Variants in NIBAN3 observed in about 807,000 individuals in gnomAD.
NIBAN3 encodes the protein protein Niban 3.
Under a neutral mutation model 76.4 loss-of-function variants are expected in NIBAN3, and 66 were observed. That is an observed-to-expected ratio of 0.86 (90% CI 0.71 to 1.06). The LOEUF (loss-of-function observed/expected upper bound fraction) is 1.06, where lower values mean the gene tolerates loss of function less well. Ranked by LOEUF, NIBAN3 falls within the 50% of genes least tolerant of loss-of-function variation. NIBAN3 has a pLI of 0.00. For missense variants in NIBAN3, 808 were observed against 810.7 expected (o/e 1.00, Z 0.04); for synonymous variants, 360 against 355.2 (o/e 1.01, Z -0.15).
In NIBAN3 at chr19:17,552,240, G is replaced by C. The variant is rs553829265; in HGVS notation, c.*342G>C. ...ATTTCAGGCACCCGCCACCATGCCT[G>C]GTTAATTTTTGTGTTTTTAGTAGAG... On this transcript the variant is annotated 3_prime_UTR_variant, in exon 15 of 15. Transcript: ENST00000599164. The C allele has an allele frequency of 2.0e-3, 318 of 157,784 alleles. 1 individual carries two copies. The highest frequency in any genetic ancestry group is 7.4e-3 in the African/African-American group (297 of 40,170). The allele number at this position is 157,784 out of a possible 1,614,324, so 9.8% of individuals were successfully genotyped here. A position where few individuals can be genotyped will look rare whatever the true frequency, so the allele number is the denominator to read the frequency against.
chr19:17,527,097 C>T (rs2075618012), upstream of NIBAN3: 2 of 920,760 alleles, frequency 2.2e-6, no homozygotes, highest in East Asian at 5.8e-5. Flanking sequence ...GATTTTCTTT[C>T]TCCCACACCC....
At chr19:17,539,496 G>C in intron 7 of NIBAN3, 45 bp downstream of exon 7, 1 of 1,456,550 alleles carries the variant, frequency 6.9e-7, no homozygotes, top group Non-Finnish European at 9.1e-7. Flanking sequence ...GGATGCGGGC[G>C]TTCGGGTTCC....
Position 17,553,168 on chromosome 19 carries a change from T to G in NIBAN3, c.*1270T>G. On this transcript the variant is annotated 3_prime_UTR_variant, in exon 15 of 15. Transcript: ENST00000599164. ...GTGAATTGCCTGTTCATAGCTTTTT[T>G]CTACTTTTCAGGAGTGTTTGCATTT... is the stretch of plus-strand genomic sequence containing the variant. The G allele has an allele frequency of 7.8e-7, 1 of 1,279,842 alleles. No homozygotes were observed. The highest frequency in any genetic ancestry group is 1.1e-6 in the Non-Finnish European group (1 of 943,764). 79.3% of individuals were successfully genotyped at this position (1,279,842 alleles called of 1,614,324 possible).
rs1365943905 is a variant in NIBAN3 at position 17,527,377 on chromosome 19, C to T, written c.37C>T (p.Gln13Ter). 1.3e-6 allele frequency: 2 copies of T among 1,543,302 alleles called. No homozygotes were observed. The highest frequency in any genetic ancestry group is 1.7e-6 in the Non-Finnish European group (2 of 1,143,506). ...GRPSSPLDKQ[Q>*]RQHLRGQVDT... ...GCCTTCGAGCCCTCTGGACAAGCAG[C>T]AGCGGCAGCACCTAAGGGGTGAGCA... The change falls in exon 1 of 15, where the codon CAG becomes TAG. Residue 13 changes from glutamine (Q) to a stop codon, truncating the protein, a stop_gained. Transcript: ENST00000599164. LOFTEE classifies it high-confidence loss of function.
rs144900974 is a variant in NIBAN3 at position 17,537,416 on chromosome 19, G to A, written c.468G>A (p.Val156=). Residue 156 remains valine, a synonymous_variant, in exon 5 of 15, where the codon GTG becomes GTA. Coordinates refer to ENST00000599164, the MANE Select transcript of NIBAN3 (RefSeq NM_001321827.2). ...TQEEPDSLLE[V]PVSFPLFLQH... ...AAGAGCCTGACTCCCTCTTGGAAGT[G>A]CCTGTGAGCTTCCCGCTGTTCCTGC... is the stretch of plus-strand genomic sequence containing the variant. The A allele has an allele frequency of 1.2e-4, 187 of 1,614,004 alleles. No individual in the cohort carries two copies. Among genetic ancestry groups the A allele is most frequent in the Non-Finnish European group, 1.5e-4 (172 of 1,180,026 alleles).
At chr19:17,550,843 CTTTTTTTT>C (rs10690901) in intron 14 of NIBAN3, among the ~76,000 whole-genome samples, 8 of 91,550 alleles carry the variant, frequency 8.7e-5, no homozygotes, top group Admixed American at 1.7e-4. Context: ...CTTGTACATA[CTTTTTTTT>C]TTTTTTTTTT....
chr19:17,551,711 T>G, intron 14 of NIBAN3, 75 bp from the exon 15 acceptor site: 1 of 656,360 alleles, frequency 1.5e-6, no homozygotes, highest in South Asian at 1.6e-5. Context: ...TTAACTCTGA[T>G]TTTTTAAGCA....
chr19:17,539,768 G>T lies in NIBAN3; in HGVS notation c.979+3G>T, dbSNP rs780015966. On this transcript the variant is annotated splice_donor_region_variant and intron_variant, in intron 8 of 14. Coordinates refer to ENST00000599164, the MANE Select transcript of NIBAN3 (RefSeq NM_001321827.2). The stretch of plus-strand genomic sequence containing the variant: ...GCGTGTGGCGGGGCGGCTGAGGAGT[G>T]AGGCCCTGGGGCGGAGCCTGGGCTG... 1 of 1,525,148 alleles carries T rather than the reference G, an allele frequency of 6.6e-7. No individual in the cohort carries two copies. Among genetic ancestry groups the T allele is most frequent in the East Asian group, 2.5e-5 (1 of 40,518 alleles). The allele number at this position is 1,525,148 out of a possible 1,614,324, so 94.5% of individuals were successfully genotyped here. A position where few individuals can be genotyped will look rare whatever the true frequency, so the allele number is the denominator to read the frequency against.
At chr19:17,528,017 G>A (rs963389229) in intron 1 of NIBAN3, among the ~76,000 whole-genome samples, 1 of 151,728 alleles carries the variant, frequency 6.6e-6, no homozygotes, top group Non-Finnish European at 1.5e-5. Context: ...TAGTATAAGT[G>A]TATCCCAGAT....
At chr19:17,551,667 A>C in intron 14 of NIBAN3, 119 bp from the exon 15 acceptor site, 1 of 550,468 alleles carries the variant, frequency 1.8e-6, no homozygotes, top group Non-Finnish European at 3.4e-6. Context: ...CTGGGATTAC[A>C]GGCATGAGCC....
chr19:17,555,262 T>C (rs73525765), downstream of NIBAN3, among the ~76,000 whole-genome samples: 1,938 of 152,254 alleles, frequency 0.013, 35 homozygotes, highest in African/African-American at 0.045. Flanking sequence ...AAAACCAGGA[T>C]GGCAAAACCC....
At chr19:17,527,095 TTCTC>T, upstream of NIBAN3, 1 of 902,660 alleles carries the variant, frequency 1.1e-6, no homozygotes, top group Non-Finnish European at 1.6e-6. Context: ...ATGATTTTCT[TTCTC>T]CCACACCCCA....
At chr19:17,553,675 C>A (rs151316029), downstream of NIBAN3, 130 of 897,772 alleles carry the variant, frequency 1.4e-4, no homozygotes, top group African/African-American at 1.5e-3. Context: ...TTACCCCGGA[C>A]GGGATGTAGA....
intron 4 of NIBAN3, 145 bp from the exon 5 acceptor site, chr19:17,537,231 T>G: frequency 1.2e-6 from 1 of 856,728 alleles, no homozygotes; most frequent in Non-Finnish European, 1.8e-6. Flanking sequence ...CCCAGTGCTG[T>G]TGGAATAAGG....
At chr19:17,531,674 C>A (rs1384531270) in intron 2 of NIBAN3, among the ~76,000 whole-genome samples, 1 of 152,192 alleles carries the variant, frequency 6.6e-6, no homozygotes, top group East Asian at 1.9e-4. Flanking sequence ...GCTGGGACCA[C>A]AGGCGCCCGC....
Position 17,551,719 on chromosome 19 carries a change from G to T in NIBAN3, c.1751-67G>T. 3.0e-6 allele frequency: 2 copies of T among 673,592 alleles called. 1 individual carries two copies. Among genetic ancestry groups the T allele is most frequent in the South Asian group, 3.1e-5 (2 of 64,994 alleles). The allele number at this position is 673,592 out of a possible 1,614,324, so 41.7% of individuals were successfully genotyped here. A position where few individuals can be genotyped will look rare whatever the true frequency, so the allele number is the denominator to read the frequency against. On this transcript the variant is annotated intron_variant, in intron 14 of 14. Transcript: ENST00000599164. ...ATCTCTATTAACTCTGATTTTTTAA[G>T]CACTTATTACATGCCAGGCATCTGA...
intron 4 of NIBAN3, among the ~76,000 whole-genome samples, chr19:17,534,853 G>T (rs1433972554): frequency 6.6e-6 from 1 of 151,732 alleles, no homozygotes; most frequent in East Asian, 1.9e-4. Context: ...TTCCAGGCAT[G>T]TGCCTGGCAA....
chr19:17,548,092 T>G (rs2076092728), intron 13 of NIBAN3, among the ~76,000 whole-genome samples: 1 of 152,344 alleles, frequency 6.6e-6, no homozygotes, highest in East Asian at 1.9e-4. Context: ...GCTCCCGAGC[T>G]GGGAAGGAGC....
At chr19:17,526,313 A>T (rs991858462), upstream of NIBAN3, among the ~76,000 whole-genome samples, 13 of 150,628 alleles carry the variant, frequency 8.6e-5, no homozygotes, top group African/African-American at 2.4e-4. Flanking sequence ...AGTCTGTCCC[A>T]AAGAAAAAAA....
Sources: gnomAD v4.1 joint callset for allele counts (sites outside exome capture counted in the v4.1 genomes callset) on GRCh38, gnomAD v4.1.1 for gene constraint, MANE v1.5 for transcripts, NCBI Gene and HGNC (gene_info 2026-07-23, HGNC 2026-07-21) for gene names.